Variants in GNB5 observed in about 807,000 individuals in gnomAD.
The protein encoded by GNB5 is G protein subunit beta 5.
Under a neutral mutation model 55.3 loss-of-function variants are expected in GNB5, and 37 were observed. The observed-to-expected ratio is 0.67, with a 90% confidence interval of 0.51 to 0.88. The LOEUF is 0.88. Among genes scored for constraint, GNB5 ranks in the 40% least tolerant of loss-of-function variants. The pLI is 0.00. For missense variants in GNB5, 476 were observed against 515.3 expected, an observed-to-expected ratio of 0.92 and a Z score of 0.74; for synonymous variants, 219 against 198.5, an observed-to-expected ratio of 1.10 and a Z score of -0.87.
chr15:52,116,350 G>A lies in GNB5; in HGVS notation c.*6407C>T, dbSNP rs546412613. On this transcript the variant is annotated 3_prime_UTR_variant, in exon 13 of 13. Coordinates refer to ENST00000261837, the MANE Select transcript of GNB5 (RefSeq NM_016194.4). ...ACATAAACGCTCATACCATACTTAC[G>A]ATTAGTTGTTTATGTGGGTTAAATT... 2.0e-5 allele frequency: 3 copies of A among 152,282 alleles called. No homozygotes were observed. The highest frequency in any genetic ancestry group is 3.4e-3 in the Middle Eastern group (1 of 294). 9.4% of individuals were successfully genotyped at this position (152,282 alleles called of 1,614,324 possible).
chr15:52,166,041 C>G (rs1007695698), intron 3 of GNB5, among the ~76,000 whole-genome samples: 13 of 152,128 alleles, frequency 8.5e-5, no homozygotes, highest in African/African-American at 3.1e-4. Flanking sequence ...GCGTTGCAAT[C>G]CTAGTTTCCA....
chr15:52,129,854 A>G (rs1174309465), intron 9 of GNB5, among the ~76,000 whole-genome samples: 3 of 152,220 alleles, frequency 2.0e-5, no homozygotes, highest in African/African-American at 7.2e-5. Context: ...TTCCCTTACA[A>G]TGAAGAAATG....
At chr15:52,154,565 CA>C (rs758175476) in intron 3 of GNB5, among the ~76,000 whole-genome samples, 9 of 152,130 alleles carry the variant, frequency 5.9e-5, no homozygotes, top group Non-Finnish European at 1.3e-4. Flanking sequence ...TCCTGCCTAC[CA>C]CTCTCTCATC....
chr15:52,143,868 A>C (rs1344740404), intron 6 of GNB5: 1 of 152,226 alleles, frequency 6.6e-6, no homozygotes, highest in African/African-American at 2.4e-5. Context: ...TGGTACTTTT[A>C]CCTGCGATAA....
chr15:52,129,285 C>T (rs1596056293), intron 9 of GNB5, among the ~76,000 whole-genome samples: 1 of 152,244 alleles, frequency 6.6e-6, no homozygotes, highest in East Asian at 1.9e-4. Flanking sequence ...CAGTGACCTA[C>T]CCTATAGTTC....
chr15:52,185,404 C>G (rs1377478682), intron 1 of GNB5, among the ~76,000 whole-genome samples: 2 of 152,018 alleles, frequency 1.3e-5, no homozygotes, highest in South Asian at 4.1e-4. Context: ...CTGGGGTTGT[C>G]AAGAGAATGA....
At position 52,133,986 on chromosome 15, in the gene GNB5, G is replaced by A. The variant is rs553611287; in HGVS notation, c.772-517C>T. Among the ~76,000 whole-genome samples the A allele has an allele frequency of 5.9e-5, 9 of 152,328 alleles. No homozygotes were observed. The East Asian group carries it at 1.2e-3, about 20-fold the overall frequency. ...GCAAAGCTGGAGAGCCAGGTGCCCC[G>A]GGCCATCTGCACCCTCAGCAGCATG... On this transcript the variant is annotated intron_variant, in intron 8 of 12. Transcript: ENST00000261837.
chr15:52,141,363 C>T, intron 6 of GNB5, 91 bp from the exon 7 acceptor site: 3 of 1,089,802 alleles, frequency 2.8e-6, no homozygotes, highest in South Asian at 1.3e-5. Context: ...TCAACATATT[C>T]TCTTTAGCAG....
chr15:52,117,089 A>AATTAATATATATATATATATATATAT lies in GNB5; in HGVS notation c.*5667_*5668insATATATATATATATATATATATTAAT, dbSNP rs1243957202. ...CAGGCACCTGCCACCACGCCCAGCT[A>AATTAATATATATATATATATATATAT]ATATATATATATATTTTTTTTTAGT... On this transcript the variant is annotated 3_prime_UTR_variant, in exon 13 of 13. Coordinates refer to ENST00000261837, the MANE Select transcript of GNB5 (RefSeq NM_016194.4). The AATTAATATATATATATATATATATAT allele has an allele frequency of 1.2e-5, 1 of 85,474 alleles. No individual in the cohort carries two copies. The highest frequency in any genetic ancestry group is 2.0e-5 in the Non-Finnish European group (1 of 49,696). The allele number at this position is 85,474 out of a possible 1,614,324, so 5.3% of individuals were successfully genotyped here.
At chr15:52,160,766 A>G (rs1261285269) in intron 3 of GNB5, among the ~76,000 whole-genome samples, 1 of 152,052 alleles carries the variant, frequency 6.6e-6, no homozygotes, top group Non-Finnish European at 1.5e-5. Context: ...AATTTGGGGG[A>G]CTACAGGCAT....
intron 7 of GNB5, chr15:52,138,059 T>C: frequency 1.3e-6 from 1 of 785,048 alleles, no homozygotes; most frequent in Non-Finnish European, 1.9e-6. Flanking sequence ...CCTCACCCTT[T>C]GCCCCCTTTC....
chr15:52,161,048 C>T (rs1487791955), intron 3 of GNB5, among the ~76,000 whole-genome samples: 3 of 152,270 alleles, frequency 2.0e-5, no homozygotes, highest in Non-Finnish European at 4.4e-5. Context: ...GTGACGGGCA[C>T]TGGGCTGAGT....
Position 52,162,931 on chromosome 15 carries a change from G to A in GNB5, c.239-8855C>T, listed in dbSNP as rs548137406. The A allele has an allele frequency of 9.2e-5, 14 of 152,356 alleles. No homozygotes were observed. In the East Asian group the frequency reaches 1.2e-3, roughly 13 times the overall value. The allele number at this position is 152,356 out of a possible 1,614,324, so 9.4% of individuals were successfully genotyped here. On this transcript the variant is annotated intron_variant, in intron 3 of 12. Coordinates refer to ENST00000261837, the MANE Select transcript of GNB5 (RefSeq NM_016194.4). Reference sequence around the variant, plus strand: ...GTTAGAAGCAGCTGCAATCCGCAGCGCTCGTGGAGAACGGAATGGCGAGTG... The same window carrying A: ...GTTAGAAGCAGCTGCAATCCGCAGCACTCGTGGAGAACGGAATGGCGAGTG...
chr15:52,169,510 C>G (rs1301907588), intron 3 of GNB5, among the ~76,000 whole-genome samples: 21 of 120,990 alleles, frequency 1.7e-4, no homozygotes, highest in African/African-American at 6.3e-4. Flanking sequence ...TGCACTCCAG[C>G]CTGGGTGACA....
At chr15:52,126,144 A>G in intron 10 of GNB5, 100 bp from the exon 11 acceptor site, 1 of 637,710 alleles carries the variant, frequency 1.6e-6, no homozygotes, top group Non-Finnish European at 2.8e-6. Flanking sequence ...TGCGTAGTTT[A>G]AAAGATGAAG....
At chr15:52,122,936 C>T (rs935476056) in intron 12 of GNB5, among the ~76,000 whole-genome samples, 168 bp from the exon 13 acceptor site, 2 of 152,060 alleles carry the variant, frequency 1.3e-5, no homozygotes, top group African/African-American at 2.4e-5. Context: ...AAATAGGGTG[C>T]TCATGTGCCT....
intron 12 of GNB5, 82 bp downstream of exon 12, chr15:52,124,391 T>C: frequency 8.7e-7 from 1 of 1,155,736 alleles, no homozygotes; most frequent in Non-Finnish European, 1.3e-6. Flanking sequence ...CTTACTCTGA[T>C]AGCCTTCCCT....
intron 3 of GNB5, among the ~76,000 whole-genome samples, chr15:52,165,421 A>G (rs1038872610): frequency 3.3e-5 from 5 of 152,182 alleles, no homozygotes; most frequent in African/African-American, 1.2e-4. Context: ...CAGATTCTCC[A>G]AGACTGAAAT....
At chr15:52,166,435 G>A (rs1181544574) in intron 3 of GNB5, among the ~76,000 whole-genome samples, 1 of 152,132 alleles carries the variant, frequency 6.6e-6, no homozygotes, top group Non-Finnish European at 1.5e-5. Flanking sequence ...CACATAATTG[G>A]AAGTAAAACT....
Sources: gnomAD v4.1 joint callset for allele counts (sites outside exome capture counted in the v4.1 genomes callset) on GRCh38, gnomAD v4.1.1 for gene constraint, MANE v1.5 for transcripts, NCBI Gene and HGNC (gene_info 2026-07-23, HGNC 2026-07-21) for gene names.